Variants in HDAC1 observed in about 807,000 individuals in gnomAD.
HDAC1 encodes the protein histone deacetylase 1, also known as protein deacetylase HDAC1.
In HDAC1, 18 loss-of-function variants were observed where a neutral mutation model predicts 65.5. That is an observed-to-expected ratio of 0.27 (90% CI 0.19 to 0.41). The LOEUF (loss-of-function observed/expected upper bound fraction) is 0.41. Ranked by LOEUF, HDAC1 falls within the 10% of genes least tolerant of loss-of-function variation. The pLI, the probability that HDAC1 is intolerant of heterozygous loss-of-function variation, is 1.00. For synonymous variants in HDAC1, 211 were observed against 227.9 expected (o/e 0.93, Z 0.67); for missense variants, 373 against 625.2 (o/e 0.60, Z 4.30).
intron 2 of HDAC1, among the ~76,000 whole-genome samples, chr1:32,311,122 G>A (rs1640985266): frequency 1.3e-5 from 2 of 152,080 alleles, no homozygotes; most frequent in Non-Finnish European, 2.9e-5. Context: ...ATACATTGGT[G>A]GTAGTTTCAA....
intron 3 of HDAC1, among the ~76,000 whole-genome samples, chr1:32,322,193 A>C (rs1225773314): frequency 6.6e-6 from 1 of 152,030 alleles, no homozygotes; most frequent in Non-Finnish European, 1.5e-5. Context: ...GGTACAGTAG[A>C]AGGCTGGGCA....
intron 1 of HDAC1, among the ~76,000 whole-genome samples, chr1:32,294,067 C>CAA (rs1199332480): frequency 9.0e-5 from 8 of 89,330 alleles, no homozygotes; most frequent in East Asian, 3.4e-4. Context: ...GACTTCGTCT[C>CAA]AAAAAAAAAA....
intron 1 of HDAC1, 76 bp from the exon 2 acceptor site, chr1:32,302,545 G>A (rs575939780): frequency 2.7e-5 from 20 of 728,020 alleles, no homozygotes; most frequent in South Asian, 1.2e-4. Context: ...CTGGGAGTTC[G>A]CTGTAAAAAT....
chr1:32,325,754 G>A (rs180787530), intron 4 of HDAC1, among the ~76,000 whole-genome samples: 32 of 152,226 alleles, frequency 2.1e-4, no homozygotes, highest in South Asian at 4.1e-4. Context: ...AGCTGGACAC[G>A]GTGGCACATG....
Position 32,330,344 on chromosome 1 carries a change from A to G in HDAC1, c.730-234A>G. 2.0e-6 allele frequency: 1 copy of G among 490,902 alleles called. No individual in the cohort carries two copies. The highest frequency in any genetic ancestry group is 2.2e-5 in the South Asian group (1 of 45,226). 30.4% of individuals were successfully genotyped at this position (490,902 alleles called of 1,614,324 possible). On this transcript the variant is annotated intron_variant, in intron 7 of 13. Transcript: ENST00000373548. The surrounding 1 kb of genome is among the most constrained non-coding windows in gnomAD (Gnocchi z 4.2). Reference sequence around the variant, plus strand: ...AGGGAGTTGAGAGGGAGGCCATTCTAGGTTCAGTGTTACTAGAGTGTTAGA... The same window carrying G: ...AGGGAGTTGAGAGGGAGGCCATTCTGGGTTCAGTGTTACTAGAGTGTTAGA...
chr1:32,313,222 G>A (rs1641013866), intron 2 of HDAC1, among the ~76,000 whole-genome samples: 1 of 152,036 alleles, frequency 6.6e-6, no homozygotes, highest in Admixed American at 6.6e-5. Flanking sequence ...AGCCTCCTGA[G>A]TAGCTGGGAT....
intron 4 of HDAC1, among the ~76,000 whole-genome samples, chr1:32,324,812 A>C (rs1641195672): frequency 6.6e-6 from 1 of 152,084 alleles, no homozygotes; most frequent in Non-Finnish European, 1.5e-5. Flanking sequence ...TAAAAAAATA[A>C]AATAAGTAAA....
intron 4 of HDAC1, 62 bp downstream of exon 4, chr1:32,324,615 T>C (rs1185735316): frequency 1.3e-5 from 14 of 1,075,738 alleles, no homozygotes; most frequent in Non-Finnish European, 2.0e-5. Context: ...GTCTGCCTTT[T>C]AGGCTGCTAT....
At chr1:32,298,953 C>T (rs963422989) in intron 1 of HDAC1, among the ~76,000 whole-genome samples, 4 of 152,094 alleles carry the variant, frequency 2.6e-5, no homozygotes, top group Admixed American at 2.0e-4. Context: ...AGCCTGAGAT[C>T]GCACCACTGC....
intron 4 of HDAC1, among the ~76,000 whole-genome samples, chr1:32,325,394 A>G (rs775996304): frequency 1.3e-5 from 2 of 152,222 alleles, no homozygotes; most frequent in Non-Finnish European, 2.9e-5. Flanking sequence ...CACAGAAAAC[A>G]AAGAAGTGCA....
intron 3 of HDAC1, among the ~76,000 whole-genome samples, chr1:32,319,648 G>A (rs1050869475): frequency 6.6e-6 from 1 of 152,062 alleles, no homozygotes; most frequent in African/African-American, 2.4e-5. Context: ...TGTAATGCCA[G>A]TGCTTTGAAG....
chr1:32,332,995 CCA>C lies in HDAC1; in HGVS notation c.1422-21_1422-20del. 2 of 1,612,854 alleles carry C rather than the reference CCA, an allele frequency of 1.2e-6. No homozygotes were observed. Among genetic ancestry groups the C allele is most frequent in the Non-Finnish European group, 1.7e-6 (2 of 1,179,270 alleles). ...AGGCTCTGGGCTGGGTCATCTCATG[CCA>C]GTCTCTGCTCTCTCCACAGGGTCAA... is the stretch of plus-strand genomic sequence containing the variant. On this transcript the variant is annotated intron_variant, in intron 13 of 13. Transcript: ENST00000373548.
At chr1:32,332,266 T>C in intron 12 of HDAC1, 24 bp downstream of exon 12, 3 of 1,599,758 alleles carry the variant, frequency 1.9e-6, no homozygotes, top group African/African-American at 1.3e-5. Context: ...CAGCTGGGAC[T>C]TGGGTCTCGA....
rs536372070 is a variant in HDAC1 at position 32,330,931 on chromosome 1, C to T, written c.979+23C>T. On this transcript the variant is annotated intron_variant, in intron 9 of 13. Transcript: ENST00000373548. This position sits in a 1 kb window ranked among gnomAD's most constrained non-coding sequence, Gnocchi z 4.2. ...ATGGTAATAGCTGCAGGGCCAGGTTCGGCTGGGCTGGGTGGGAGCTGGAGC... is the reference window on the plus strand; with the variant it reads ...ATGGTAATAGCTGCAGGGCCAGGTTTGGCTGGGCTGGGTGGGAGCTGGAGC... The T allele has an allele frequency of 6.8e-6, 11 of 1,613,428 alleles. No homozygotes were observed. The highest frequency in any genetic ancestry group is 2.2e-5 in the East Asian group (1 of 44,884).
intron 1 of HDAC1, among the ~76,000 whole-genome samples, chr1:32,293,294 T>A (rs1337347358): frequency 6.7e-6 from 1 of 148,432 alleles, no homozygotes; most frequent in African/African-American, 2.5e-5. Flanking sequence ...GCACTCCAGC[T>A]TGGACAACAG....
chr1:32,296,550 T>A (rs1193970852), intron 1 of HDAC1, among the ~76,000 whole-genome samples: 1 of 152,170 alleles, frequency 6.6e-6, no homozygotes, highest in African/African-American at 2.4e-5. Context: ...GACAAACGGT[T>A]GTCTTTTGTT....
intron 2 of HDAC1, among the ~76,000 whole-genome samples, chr1:32,308,739 C>T (rs1000619725): frequency 6.6e-6 from 1 of 151,974 alleles, no homozygotes; most frequent in African/African-American, 2.4e-5. Flanking sequence ...AGGATGGTCT[C>T]GATCTCCTGA....
rs546516234 is a variant in HDAC1, at chr1:32,332,754, G to A, written c.1421+5G>A. On this transcript the variant is annotated splice_donor_5th_base_variant and intron_variant, in intron 13 of 13. Transcript: ENST00000373548. Reference sequence around the variant, plus strand: ...GGAGAAGCCAGAAGCCAAAGGGTGAGGAAGGAGCTGCCTGTGGCCATCTCC... The same window carrying A: ...GGAGAAGCCAGAAGCCAAAGGGTGAAGAAGGAGCTGCCTGTGGCCATCTCC... The A allele has an allele frequency of 1.9e-6, 3 of 1,553,120 alleles. No individual in the cohort carries two copies. Among genetic ancestry groups the A allele is most frequent in the African/African-American group, 2.7e-5 (2 of 73,380 alleles).
chr1:32,319,840 T>C (rs1217802140), intron 3 of HDAC1, among the ~76,000 whole-genome samples: 1 of 151,970 alleles, frequency 6.6e-6, no homozygotes, highest in African/African-American at 2.4e-5. Context: ...TTGAGCCCAG[T>C]TCAGGGCTGC....
Sources: gnomAD v4.1 joint callset for allele counts (sites outside exome capture counted in the v4.1 genomes callset) on GRCh38, gnomAD v4.1.1 for gene constraint, Gnocchi (gnomAD v3.1) non-coding constraint, MANE v1.5 for transcripts, NCBI Gene and HGNC (gene_info 2026-07-23, HGNC 2026-07-21) for gene names.